Variants in APP observed in about 807,000 individuals in gnomAD.
APP encodes amyloid-beta precursor protein.
In APP, 31 loss-of-function variants were observed where a neutral mutation model predicts 101.4. The observed-to-expected ratio is 0.31, with a 90% CI of 0.23 to 0.41. The LOEUF is 0.41. Ranked by LOEUF, APP falls within the 10% of genes least tolerant of loss-of-function variation. The probability of loss-of-function intolerance (pLI) is 1.00; values close to 1 mark genes in which losing one functional copy is unlikely to be tolerated. For missense variants in APP, 839 were observed against 1,003.7 expected (o/e 0.84, Z 2.22); for synonymous variants, 366 against 364.4 (o/e 1.00, Z -0.05).
chr21:26,041,755 G>A (rs183404790), intron 5 of APP, among the ~76,000 whole-genome samples: 1 of 151,930 alleles, frequency 6.6e-6, no homozygotes, highest in African/African-American at 2.4e-5. Flanking sequence ...CCACACATCT[G>A]TAATCTGCTT....
chr21:26,138,694 G>GAAAACAAAACAAAAC (rs151222318), intron 1 of APP, among the ~76,000 whole-genome samples: 22 of 150,164 alleles, frequency 1.5e-4, no homozygotes, highest in African/African-American at 5.5e-4. Flanking sequence ...GCCTGTCTCA[G>GAAAACAAAACAAAAC]AAAACAAAAC....
At chr21:25,955,000 A>G (rs1426266058) in intron 12 of APP, among the ~76,000 whole-genome samples, 1 of 151,826 alleles carries the variant, frequency 6.6e-6, no homozygotes, top group Non-Finnish European at 1.5e-5. Flanking sequence ...ATAACAGCCA[A>G]TTAAAAAGGC....
chr21:26,143,541 C>G (rs1484337479), intron 1 of APP, among the ~76,000 whole-genome samples: 1 of 152,162 alleles, frequency 6.6e-6, no homozygotes, highest in Non-Finnish European at 1.5e-5. Flanking sequence ...TATCCATCAC[C>G]TCAGAGTTAC....
intron 3 of APP, among the ~76,000 whole-genome samples, chr21:26,073,280 C>T (rs141481464): frequency 3.3e-5 from 5 of 151,834 alleles, no homozygotes; most frequent in African/African-American, 9.7e-5. Flanking sequence ...GCGGGGAGGA[C>T]GGGGAAGGGA....
chr21:26,071,202 CTA>C (rs1258522915), intron 3 of APP, among the ~76,000 whole-genome samples: 6 of 152,160 alleles, frequency 3.9e-5, no homozygotes, highest in South Asian at 2.1e-4. Flanking sequence ...CATCTTCAGA[CTA>C]TGTTTTCCTG....
chr21:26,127,960 C>T (rs773810909), intron 1 of APP, among the ~76,000 whole-genome samples: 3 of 152,172 alleles, frequency 2.0e-5, no homozygotes, highest in Admixed American at 1.3e-4. Flanking sequence ...AAATCTCCTG[C>T]GAGCTATCCC....
chr21:25,914,522 C>T (rs1178336445), intron 13 of APP, among the ~76,000 whole-genome samples: 1 of 145,906 alleles, frequency 6.9e-6, no homozygotes, highest in African/African-American at 2.6e-5. Flanking sequence ...GTTTTTGCTG[C>T]CTCTGGAGGA....
chr21:25,897,316 A>G (rs2038132794), intron 16 of APP, among the ~76,000 whole-genome samples: 2 of 152,072 alleles, frequency 1.3e-5, no homozygotes, highest in African/African-American at 2.4e-5. Context: ...GGGTTTCACC[A>G]TATTGGCCAG....
rs1254714100 is a variant in APP at position 26,072,614 on chromosome 21, A to C, written c.355+17329T>G. 2.0e-5 allele frequency among the ~76,000 whole-genome samples: 3 copies of C among 152,158 alleles called. No homozygotes were observed. In the East Asian group the frequency reaches 5.8e-4, roughly 29 times the overall value. On this transcript the variant is annotated intron_variant, in intron 3 of 17. Coordinates refer to ENST00000346798, the MANE Select transcript of APP (RefSeq NM_000484.4). ...TATGCTTGATTCATTTGATTCTTAC[A>C]TACTAGTTGTTATTTACCGGCAGAG...
intron 3 of APP, among the ~76,000 whole-genome samples, chr21:26,085,372 G>C (rs2061683164): frequency 6.6e-6 from 1 of 152,112 alleles, no homozygotes; most frequent in Admixed American, 6.5e-5. Context: ...TAAATAATGA[G>C]AATGATGAAG....
At chr21:26,044,985 TATG>T (rs2045543909) in intron 5 of APP, among the ~76,000 whole-genome samples, 1 of 152,232 alleles carries the variant, frequency 6.6e-6, no homozygotes, top group Non-Finnish European at 1.5e-5. Context: ...CTTGCCATTT[TATG>T]ATGCTTATGC....
At chr21:25,929,896 A>G (rs2040067438) in intron 13 of APP, among the ~76,000 whole-genome samples, 1 of 152,078 alleles carries the variant, frequency 6.6e-6, no homozygotes, top group Non-Finnish European at 1.5e-5. Flanking sequence ...ACAGTGTCCC[A>G]TTTTTTCTGC....
chr21:26,165,224 A>C (rs373845546), intron 1 of APP, among the ~76,000 whole-genome samples: 1 of 152,256 alleles, frequency 6.6e-6, no homozygotes, highest in African/African-American at 2.4e-5. Flanking sequence ...ACTATGCAGG[A>C]AACTTACATA....
intron 15 of APP, among the ~76,000 whole-genome samples, chr21:25,904,606 C>A (rs377613891): frequency 2.6e-5 from 4 of 152,204 alleles, no homozygotes; most frequent in African/African-American, 9.6e-5. Context: ...AATTACCCAT[C>A]TGGACACCAA....
intron 5 of APP, among the ~76,000 whole-genome samples, chr21:26,026,332 C>A (rs2044572510): frequency 6.6e-6 from 1 of 152,106 alleles, no homozygotes; most frequent in African/African-American, 2.4e-5. Flanking sequence ...GCTGACCATC[C>A]CCAGAGTATC....
rs118058296 is a variant in APP, at chr21:26,030,684, G to A, written c.663-8642C>T. Among the ~76,000 whole-genome samples the A allele has an allele frequency of 9.4e-3, 1,425 of 152,276 alleles. 10 individuals are homozygous for A. The highest frequency in any genetic ancestry group is 0.015 in the Non-Finnish European group (1,049 of 68,016). ...ATGAACCAACTAGAATTAAGGAGAA[G>A]CACCTAAGGTCATAAAAAGTTTTGG... On this transcript the variant is annotated intron_variant, in intron 5 of 17. Transcript: ENST00000346798.
chr21:26,118,773 C>CA (rs1219111899), intron 1 of APP, among the ~76,000 whole-genome samples: 1 of 152,004 alleles, frequency 6.6e-6, no homozygotes, highest in Non-Finnish European at 1.5e-5. Flanking sequence ...CTCCTGACCT[C>CA]AAGTGATCTG....
chr21:25,969,306 C>A (rs2041916843), intron 11 of APP, among the ~76,000 whole-genome samples: 1 of 143,322 alleles, frequency 7.0e-6, no homozygotes, highest in South Asian at 2.2e-4. Flanking sequence ...CAAGATCACG[C>A]CACTGCACTC....
chr21:26,169,341 A>G (rs1360690391), intron 1 of APP: 1 of 152,308 alleles, frequency 6.6e-6, no homozygotes, highest in Non-Finnish European at 1.5e-5. Context: ...GCACCCTAAA[A>G]AAAAGACCCT....
Sources: gnomAD v4.1 joint callset for allele counts (sites outside exome capture counted in the v4.1 genomes callset) on GRCh38, gnomAD v4.1.1 for gene constraint, MANE v1.5 for transcripts, NCBI Gene and HGNC (gene_info 2026-07-23, HGNC 2026-07-21) for gene names.